The following FBXL18 variants were observed in gnomAD, a reference collection of about 807,000 sequenced individuals.
The protein encoded by FBXL18 is F-box/LRR-repeat protein 18.
FBXL18 carries 36 observed loss-of-function variants against 46.0 expected under a neutral mutation model. The ratio of observed to expected loss-of-function variants is 0.78; its 90% confidence interval spans 0.60 to 1.03. FBXL18 has a LOEUF of 1.03. Ranked by LOEUF, FBXL18 falls within the 50% of genes least tolerant of loss-of-function variation. FBXL18 has a pLI of 0.00. For synonymous variants in FBXL18, 557 were observed against 465.3 expected, an observed-to-expected ratio of 1.20 and a Z score of -2.54; for missense variants, 977 against 1,004.1, an observed-to-expected ratio of 0.97 and a Z score of 0.36.
At chr7:5,470,088 G>A (rs1051639292) in intron 4 of FBXL18, among the ~76,000 whole-genome samples, 1 of 152,138 alleles carries the variant, frequency 6.6e-6, no homozygotes, top group Non-Finnish European at 1.5e-5. Flanking sequence ...GGGCGTGGGT[G>A]AGGGACTGAT....
intron 2 of FBXL18, among the ~76,000 whole-genome samples, chr7:5,503,966 CA>C (rs61075870): frequency 0.012 from 1,425 of 115,768 alleles, 13 homozygotes; most frequent in African/African-American, 0.029. Context: ...GACCTCGTTT[CA>C]AAAAAAAAAA....
chr7:5,487,192 C>G, intron 4 of FBXL18, among the ~76,000 whole-genome samples: 1 of 152,252 alleles, frequency 6.6e-6, no homozygotes, highest in Non-Finnish European at 1.5e-5. Context: ...TGCAGGTCAG[C>G]TGGGACCTGC....
intron 4 of FBXL18, among the ~76,000 whole-genome samples, chr7:5,486,521 C>T (rs1266763972): frequency 6.6e-6 from 1 of 151,876 alleles, no homozygotes; most frequent in Non-Finnish European, 1.5e-5. Flanking sequence ...GGAGTGGTGG[C>T]GTGCACCTGT....
intron 3 of FBXL18, among the ~76,000 whole-genome samples, chr7:5,497,622 C>A (rs1276159833): frequency 6.6e-6 from 1 of 152,174 alleles, no homozygotes; most frequent in Non-Finnish European, 1.5e-5. Flanking sequence ...CCGAGCAGAC[C>A]CGGCCACTTC....
At chr7:5,461,667 G>A (rs1001183380) in intron 4 of FBXL18, among the ~76,000 whole-genome samples, 5 of 151,686 alleles carry the variant, frequency 3.3e-5, no homozygotes, top group East Asian at 3.9e-4. Context: ...TTGGCCAGGC[G>A]CAGTGGCTCA....
chr7:5,462,282 C>G (rs1783258532), intron 4 of FBXL18, among the ~76,000 whole-genome samples: 1 of 152,082 alleles, frequency 6.6e-6, no homozygotes, highest in South Asian at 2.1e-4. Context: ...TGAGGTGGGC[C>G]CATCCATCAT....
intron 4 of FBXL18, among the ~76,000 whole-genome samples, chr7:5,461,388 C>T (rs1380474549): frequency 1.3e-5 from 2 of 151,750 alleles, no homozygotes; most frequent in African/African-American, 2.4e-5. Context: ...GCAACATACT[C>T]GGTTGATACA....
At chr7:5,465,970 A>G (rs1230560317) in intron 4 of FBXL18, among the ~76,000 whole-genome samples, 3 of 152,066 alleles carry the variant, frequency 2.0e-5, no homozygotes, top group Non-Finnish European at 2.9e-5. Context: ...GGCGCCAGCC[A>G]CTATGCCCAG....
chr7:5,484,469 CAAAAA>C (rs35237238), intron 4 of FBXL18, among the ~76,000 whole-genome samples: 5 of 68,286 alleles, frequency 7.3e-5, no homozygotes. Flanking sequence ...GACTCTGTCT[CAAAAA>C]AAAAAAAAAA....
At chr7:5,463,636 G>C (rs1419749153) in intron 4 of FBXL18, among the ~76,000 whole-genome samples, 2 of 147,082 alleles carry the variant, frequency 1.4e-5, no homozygotes, top group Non-Finnish European at 3.0e-5. Context: ...AAAAAAAAAA[G>C]TTTTGGAATG....
At chr7:5,475,750 T>G (rs1584193423), downstream of FBXL18, 1 of 152,226 alleles carries the variant, frequency 6.6e-6, no homozygotes, top group Non-Finnish European at 1.5e-5. The surrounding 1 kb of genome is among the most constrained non-coding windows in gnomAD (Gnocchi z 4.2). Flanking sequence ...GAAGGGGTTG[T>G]AGGCAAGAGG....
intron 1 of FBXL18, among the ~76,000 whole-genome samples, chr7:5,508,063 C>T (rs1399921788): frequency 1.3e-5 from 2 of 151,888 alleles, no homozygotes; most frequent in Non-Finnish European, 2.9e-5. Context: ...AGTCAGTTCT[C>T]GAGACTAGCC....
At chr7:5,505,722 TATCC>T in intron 1 of FBXL18, 92 bp from the exon 2 acceptor site, 1 of 1,049,306 alleles carries the variant, frequency 9.5e-7, no homozygotes, top group Non-Finnish European at 1.4e-6. Context: ...GAGAAGCCCT[TATCC>T]ATGGGAAAGA....
downstream of FBXL18, among the ~76,000 whole-genome samples, chr7:5,472,367 C>G (rs1783441215): frequency 6.6e-6 from 1 of 152,230 alleles, no homozygotes; most frequent in South Asian, 2.1e-4. Flanking sequence ...GCTTCTGGGA[C>G]TGCCTTGGTC....
At chr7:5,486,220 C>T (rs1231497692) in intron 4 of FBXL18, among the ~76,000 whole-genome samples, 2 of 138,032 alleles carry the variant, frequency 1.4e-5, no homozygotes, top group East Asian at 2.2e-4. Context: ...CATTGCACTC[C>T]AGCCTGGGCA....
intron 4 of FBXL18, among the ~76,000 whole-genome samples, chr7:5,458,572 C>T (rs756540927): frequency 2.6e-5 from 4 of 152,128 alleles, no homozygotes; most frequent in Non-Finnish European, 5.9e-5. Flanking sequence ...GTGGCGTCCA[C>T]CTGTAATCCG....
intron 4 of FBXL18, chr7:5,489,491 C>G: frequency 2.8e-6 from 1 of 354,080 alleles, no homozygotes; most frequent in Non-Finnish European, 5.5e-6. Flanking sequence ...AAAAATTAGG[C>G]CGGGCGCGGT....
rs546732763 is a variant in FBXL18 at position 5,495,617 on chromosome 7, C to T, written c.1782-4168G>A. Among the ~76,000 whole-genome samples, 343 of 152,322 alleles carry T rather than the reference C, an allele frequency of 2.3e-3. 6 individuals carry two copies. The highest frequency in any genetic ancestry group is 7.7e-3 in the African/African-American group (321 of 41,574). ...GGGGGCTGCCAGTGGCAGCAGGTGG[C>T]TGGCGTGGGATTCCAAGCTCTGCCA... On this transcript the variant is annotated intron_variant, in intron 3 of 4. Coordinates refer to ENST00000382368, the MANE Select transcript of FBXL18 (RefSeq NM_024963.6).
chr7:5,463,462 A>T (rs1783286993), intron 4 of FBXL18, among the ~76,000 whole-genome samples: 1 of 151,436 alleles, frequency 6.6e-6, no homozygotes, highest in African/African-American at 2.4e-5. Context: ...TCCACAAAAT[A>T]TTTAAAATTA....
Sources: gnomAD v4.1 joint callset for allele counts (sites outside exome capture counted in the v4.1 genomes callset) on GRCh38, gnomAD v4.1.1 for gene constraint, Gnocchi (gnomAD v3.1) non-coding constraint, MANE v1.5 for transcripts, NCBI Gene and HGNC (gene_info 2026-07-23, HGNC 2026-07-21) for gene names.